The following NME7 variants were observed in gnomAD, a reference collection of about 807,000 sequenced individuals.
NME7 encodes the protein nucleoside diphosphate kinase 7.
Under a neutral mutation model 49.1 loss-of-function variants are expected in NME7, and 41 were observed. That is an observed-to-expected ratio of 0.83 (90% CI 0.65 to 1.08). The LOEUF is 1.08. NME7 is among the 50% of genes least tolerant of loss of function. NME7 has a pLI of 0.00. For synonymous variants in NME7, 139 were observed against 150.6 expected, an observed-to-expected ratio of 0.92 and a Z score of 0.56; for missense variants, 423 against 463.4, an observed-to-expected ratio of 0.91 and a Z score of 0.80.
At chr1:169,188,249 A>C (rs922595125) in intron 10 of NME7, among the ~76,000 whole-genome samples, 1 of 152,136 alleles carries the variant, frequency 6.6e-6, no homozygotes, top group Admixed American at 6.6e-5. Context: ...AATGTCTATA[A>C]GTATTTTATT....
chr1:169,267,779 T>G (rs531474022), intron 7 of NME7, among the ~76,000 whole-genome samples: 2 of 133,584 alleles, frequency 1.5e-5, no homozygotes, highest in East Asian at 4.0e-4. Context: ...TCAAGATGGA[T>G]GAAAGACCTA....
At chr1:169,142,479 C>T (rs1658624060) in intron 11 of NME7, among the ~76,000 whole-genome samples, 1 of 152,162 alleles carries the variant, frequency 6.6e-6, no homozygotes, top group African/African-American at 2.4e-5. Context: ...AAAGAATAAA[C>T]TGTACTTCTG....
intron 10 of NME7, among the ~76,000 whole-genome samples, chr1:169,172,991 G>C (rs1659648611): frequency 6.6e-6 from 1 of 152,174 alleles, no homozygotes; most frequent in African/African-American, 2.4e-5. Context: ...CACAGTAAAT[G>C]TTTGGTAAAT....
chr1:169,344,857 T>C (rs1240567230), intron 1 of NME7, among the ~76,000 whole-genome samples: 3 of 152,192 alleles, frequency 2.0e-5, no homozygotes, highest in African/African-American at 7.2e-5. Flanking sequence ...CAATACTGGC[T>C]TCGCTGAGTG....
At chr1:169,267,739 C>T (rs1169848294) in intron 7 of NME7, among the ~76,000 whole-genome samples, 1 of 133,228 alleles carries the variant, frequency 7.5e-6, no homozygotes, top group East Asian at 2.0e-4. Flanking sequence ...AAAACTGGAC[C>T]CCTTCCTTAC....
rs77558245 is a variant in NME7, at chr1:169,164,296, C to T, written c.1098+5151G>A. ...AATTTATTTAACTAAACTCTTCCTT[C>T]CTTTCTTTCAAAAATCACTTATTGA... is the stretch of plus-strand genomic sequence containing the variant. On this transcript the variant is annotated intron_variant, in intron 11 of 11. Coordinates refer to ENST00000367811, the MANE Select transcript of NME7 (RefSeq NM_013330.5). 6.5e-3 allele frequency among the ~76,000 whole-genome samples: 984 copies of T among 152,160 alleles called. 14 individuals carry two copies. The highest frequency in any genetic ancestry group is 0.022 in the African/African-American group (923 of 41,492).
chr1:169,355,367 TAC>T (rs36138444), intron 1 of NME7, among the ~76,000 whole-genome samples: 4,896 of 71,170 alleles, frequency 0.069, 230 homozygotes, highest in East Asian at 0.12. Context: ...ATATATATTA[TAC>T]ACACACACAC....
chr1:169,223,141 G>A (rs748002751), intron 10 of NME7, among the ~76,000 whole-genome samples: 2 of 152,090 alleles, frequency 1.3e-5, no homozygotes, highest in Non-Finnish European at 2.9e-5. Flanking sequence ...TAGAGGCCAT[G>A]GGCATGTCAT....
chr1:169,171,359 A>T lies in NME7; in HGVS notation c.991-1805T>A, dbSNP rs61806190. On this transcript the variant is annotated intron_variant, in intron 10 of 11. Coordinates refer to ENST00000367811, the MANE Select transcript of NME7 (RefSeq NM_013330.5). ...TCCAGCCTGGGTTGTCAGACAGAGTAGGACCCTGTCTCAAAAAAAGAAAAT... is the reference window on the plus strand; with the variant it reads ...TCCAGCCTGGGTTGTCAGACAGAGTTGGACCCTGTCTCAAAAAAAGAAAAT... Among the ~76,000 whole-genome samples the T allele has an allele frequency of 3.1e-3, 475 of 151,530 alleles. 1 individual carries two copies. The highest frequency in any genetic ancestry group is 5.1e-3 in the Non-Finnish European group (343 of 67,832).
At chr1:169,177,614 C>T (rs896145408) in intron 10 of NME7, among the ~76,000 whole-genome samples, 2 of 152,050 alleles carry the variant, frequency 1.3e-5, no homozygotes, top group African/African-American at 2.4e-5. Context: ...CAGCAAGACC[C>T]TGTCTCTTAA....
At chr1:169,263,717 T>C (rs1207200103) in intron 7 of NME7, among the ~76,000 whole-genome samples, 2 of 133,502 alleles carry the variant, frequency 1.5e-5, no homozygotes, top group East Asian at 4.0e-4. Flanking sequence ...TCAACCTAGC[T>C]AGAGAGTCCA....
At chr1:169,356,166 T>C (rs996588548) in intron 1 of NME7, among the ~76,000 whole-genome samples, 3 of 152,180 alleles carry the variant, frequency 2.0e-5, no homozygotes, top group Admixed American at 6.6e-5. Flanking sequence ...CCTGATGATA[T>C]TGATATCTTT....
At chr1:169,313,651 T>A (rs1651498933) in intron 3 of NME7, among the ~76,000 whole-genome samples, 1 of 151,754 alleles carries the variant, frequency 6.6e-6, no homozygotes. Flanking sequence ...CACATGGCAA[T>A]CATATAGAAA....
At chr1:169,134,999 A>AT (rs1347941351) in intron 11 of NME7, among the ~76,000 whole-genome samples, 1 of 94,946 alleles carries the variant, frequency 1.1e-5, no homozygotes, top group Non-Finnish European at 2.1e-5. Flanking sequence ...ACATAAGGAG[A>AT]TCCCCCCGTC....
chr1:169,156,285 G>A (rs1659068107), intron 11 of NME7, among the ~76,000 whole-genome samples: 1 of 151,862 alleles, frequency 6.6e-6, no homozygotes, highest in Non-Finnish European at 1.5e-5. Context: ...ATTCCAGCCT[G>A]GGTGACAGAG....
intron 3 of NME7, among the ~76,000 whole-genome samples, chr1:169,320,376 A>G (rs112202649): frequency 1.5e-3 from 224 of 152,280 alleles, no homozygotes; most frequent in African/African-American, 5.2e-3. Context: ...AATTATCTGG[A>G]TAACTGCTCC....
chr1:169,311,100 A>G (rs956878174), intron 3 of NME7, among the ~76,000 whole-genome samples: 5 of 152,132 alleles, frequency 3.3e-5, no homozygotes, highest in Admixed American at 2.6e-4. Context: ...TTTCACCAAT[A>G]AGACAAACTT....
At chr1:169,341,739 G>A (rs77100467) in intron 1 of NME7, among the ~76,000 whole-genome samples, 1 of 152,192 alleles carries the variant, frequency 6.6e-6, no homozygotes, top group Non-Finnish European at 1.5e-5. Flanking sequence ...CATGGAATCA[G>A]AGGAGACCAT....
chr1:169,169,114 C>T (rs756518469), intron 11 of NME7: 1 of 456,280 alleles, frequency 2.2e-6, no homozygotes. Context: ...CAGCATGCTA[C>T]AATTTGGTCT....
Sources: gnomAD v4.1 joint callset for allele counts (sites outside exome capture counted in the v4.1 genomes callset) on GRCh38, gnomAD v4.1.1 for gene constraint, MANE v1.5 for transcripts, NCBI Gene and HGNC (gene_info 2026-07-23, HGNC 2026-07-21) for gene names.